LPP: variants seen among roughly 807,000 people sequenced by gnomAD.
The protein encoded by LPP is lipoma-preferred partner.
A neutral mutation model predicts 60.4 loss-of-function variants in LPP; 38 were observed. The observed-to-expected ratio is 0.63, with a 90% CI of 0.49 to 0.83. The LOEUF (loss-of-function observed/expected upper bound fraction) is 0.83. Ranked by LOEUF, LPP falls within the 40% of genes least tolerant of loss-of-function variation. The pLI, the probability that LPP is intolerant of heterozygous loss-of-function variation, is 0.00. For missense variants in LPP, 902 were observed against 783.6 expected (o/e 1.15, Z -1.80); for synonymous variants, 328 against 290.8 (o/e 1.13, Z -1.30).
intron 2 of LPP, among the ~76,000 whole-genome samples, chr3:188,287,434 A>C (rs1031009387): frequency 1.3e-5 from 2 of 152,246 alleles, no homozygotes; most frequent in East Asian, 3.8e-4. Context: ...ACTAAAAGCC[A>C]GCTCTTTGGA....
chr3:188,411,190 C>T (rs539929799), intron 4 of LPP, among the ~76,000 whole-genome samples: 6 of 151,816 alleles, frequency 4.0e-5, no homozygotes, highest in East Asian at 1.9e-4. Flanking sequence ...ACTCACTGTC[C>T]GGGAAATGCA....
intron 8 of LPP, 29 bp from the exon 9 acceptor site, chr3:188,760,084 G>A (rs901433280): frequency 6.2e-7 from 1 of 1,611,280 alleles, no homozygotes; most frequent in South Asian, 1.1e-5. Context: ...ACTCCTTGGT[G>A]TGTTCTTATC....
intron 1 of LPP, among the ~76,000 whole-genome samples, chr3:188,160,953 G>C (rs1718079271): frequency 6.6e-6 from 1 of 152,258 alleles, no homozygotes; most frequent in Non-Finnish European, 1.5e-5. Flanking sequence ...GTTTTGAGAA[G>C]TGAATAGGAG....
chr3:188,660,863 C>T (rs1854424849), intron 7 of LPP, among the ~76,000 whole-genome samples: 1 of 152,130 alleles, frequency 6.6e-6, no homozygotes, highest in Admixed American at 6.6e-5. Flanking sequence ...CACCCAAAGT[C>T]CATAGTTTAC....
intron 2 of LPP, among the ~76,000 whole-genome samples, chr3:188,277,066 G>A (rs976669245): frequency 5.9e-5 from 9 of 151,748 alleles, no homozygotes; most frequent in African/African-American, 2.2e-4. Flanking sequence ...ACCATGCTCA[G>A]CTAATTTTTG....
intron 8 of LPP, among the ~76,000 whole-genome samples, chr3:188,714,053 C>A (rs555149207): frequency 6.6e-6 from 1 of 152,204 alleles, no homozygotes; most frequent in African/African-American, 2.4e-5. Context: ...GCAGACCTGG[C>A]GATGATGTCT....
chr3:188,156,666 T>G (rs1716536643), intron 1 of LPP, among the ~76,000 whole-genome samples: 1 of 152,112 alleles, frequency 6.6e-6, no homozygotes. Flanking sequence ...AAACCCCGTC[T>G]CTACTAAAAA....
chr3:188,690,551 C>T (rs1462703359), intron 7 of LPP, among the ~76,000 whole-genome samples: 4 of 152,128 alleles, frequency 2.6e-5, no homozygotes, highest in Non-Finnish European at 5.9e-5. Context: ...CCCTAATTTT[C>T]GTGTTCCCTT....
intron 2 of LPP, among the ~76,000 whole-genome samples, chr3:188,307,391 A>G (rs1751874549): frequency 6.6e-6 from 1 of 152,184 alleles, no homozygotes; most frequent in Non-Finnish European, 1.5e-5. Context: ...TGTGGGTGGG[A>G]CTCAGACGTG....
intron 3 of LPP, among the ~76,000 whole-genome samples, chr3:188,378,192 C>A (rs1421133382): frequency 6.6e-6 from 1 of 152,202 alleles, no homozygotes; most frequent in Non-Finnish European, 1.5e-5. Context: ...ATTCTCAGAT[C>A]TCAAGCTGCA....
rs1851228949 is a variant in LPP at position 188,647,044 on chromosome 3, G to GT, written c.1113+37200_1113+37201insT. 2.0e-5 allele frequency among the ~76,000 whole-genome samples: 3 copies of GT among 152,282 alleles called. No homozygotes were observed. The South Asian group carries it at 6.2e-4, about 32-fold the overall frequency. Reference sequence around the variant, plus strand: ...CTGGCCTAGTTCTTGGCCCATAATAGGTATTCAACTAATATTTACTTCTTT... The same window carrying GT: ...CTGGCCTAGTTCTTGGCCCATAATAGTGTATTCAACTAATATTTACTTCTTT... On this transcript the variant is annotated intron_variant, in intron 7 of 11. Transcript: ENST00000617246.
chr3:188,847,105 A>G (rs1761631396), intron 9 of LPP, among the ~76,000 whole-genome samples: 1 of 152,262 alleles, frequency 6.6e-6, no homozygotes. Flanking sequence ...ATTAAGAAGT[A>G]GAGTGCACAA....
intron 5 of LPP, among the ~76,000 whole-genome samples, chr3:188,509,873 G>GTTGT (rs1814884490): frequency 9.0e-6 from 1 of 111,044 alleles, no homozygotes; most frequent in Admixed American, 1.2e-4. Context: ...TTTTTTTGTT[G>GTTGT]TTTTTTTTTT....
Position 188,158,854 on chromosome 3 carries a change from T to G in LPP, c.-190+4602T>G, listed in dbSNP as rs79172970. Among the ~76,000 whole-genome samples, 1,060 of 152,344 alleles carry G rather than the reference T, an allele frequency of 7.0e-3. 17 individuals are homozygous for G. Among genetic ancestry groups the G allele is most frequent in the African/African-American group, 0.025 (1,024 of 41,588 alleles). ...AATCGACATTGCTTGTCTGTGTTCT[T>G]CCCTGGAATTTAATTCAGCCCACAT... On this transcript the variant is annotated intron_variant, in intron 1 of 11. Coordinates refer to ENST00000617246, the MANE Select transcript of LPP (RefSeq NM_001375462.1).
intron 2 of LPP, among the ~76,000 whole-genome samples, chr3:188,252,133 C>T (rs1221409330): frequency 7.7e-6 from 1 of 129,470 alleles, no homozygotes; most frequent in Non-Finnish European, 1.6e-5. Context: ...GCTTTCCCTC[C>T]TCTCAGTAAA....
intron 7 of LPP, among the ~76,000 whole-genome samples, chr3:188,618,015 C>G (rs1033827981): frequency 2.0e-5 from 3 of 152,124 alleles, no homozygotes; most frequent in African/African-American, 7.2e-5. Context: ...AAATTTGAAC[C>G]ATTATTGATA....
chr3:188,310,905 T>C lies in LPP; in HGVS notation c.-66-30758T>C, dbSNP rs1753189424. On this transcript the variant is annotated intron_variant, in intron 2 of 11. Transcript: ENST00000617246. ...TTGAATATATGTTCCTTGCCAGAACTTGGGCTAAGTGCTTTATTATAAGTT... is the reference window on the plus strand; with the variant it reads ...TTGAATATATGTTCCTTGCCAGAACCTGGGCTAAGTGCTTTATTATAAGTT... Among the ~76,000 whole-genome samples, 4 of 152,312 alleles carry C rather than the reference T, an allele frequency of 2.6e-5. No homozygotes were observed. The South Asian group carries it at 8.3e-4, about 32-fold the overall frequency.
intron 2 of LPP, among the ~76,000 whole-genome samples, chr3:188,249,164 C>T (rs966116611): frequency 3.9e-5 from 6 of 152,070 alleles, no homozygotes; most frequent in African/African-American, 9.7e-5. Context: ...CTTGGGAGGC[C>T]GAGCAGGGAG....
chr3:188,240,342 AGTGTGTGTGTGT>A (rs75173733), intron 2 of LPP, among the ~76,000 whole-genome samples: 2 of 143,660 alleles, frequency 1.4e-5, no homozygotes, highest in South Asian at 4.5e-4. Context: ...TTTGGGTAAG[AGTGTGTGTGTGT>A]GTGTGTGTGT....
Sources: allele counts gnomAD v4.1 joint callset (sites outside exome capture counted in the v4.1 genomes callset), GRCh38; gene constraint gnomAD v4.1.1; transcripts MANE v1.5; gene names NCBI Gene and HGNC (gene_info 2026-07-23, HGNC 2026-07-21).